The following CARD6 variants were observed in gnomAD, a reference collection of about 807,000 sequenced individuals.
CARD6 encodes the protein caspase recruitment domain-containing protein 6.
A neutral mutation model predicts 23.6 loss-of-function variants in CARD6; 27 were observed. That is an observed-to-expected ratio of 1.14 (90% CI 0.84 to 1.58). CARD6 has a LOEUF of 1.58. Ranked by LOEUF, CARD6 falls within the 40% of genes most tolerant of loss-of-function variation. CARD6 has a pLI of 0.00. For missense variants in CARD6, 1,214 were observed against 1,209.9 expected, an observed-to-expected ratio of 1.00 and a Z score of -0.05; for synonymous variants, 397 against 431.8, an observed-to-expected ratio of 0.92 and a Z score of 1.00.
chr5:40,850,211 G>A (rs1337586659), intron 2 of CARD6, among the ~76,000 whole-genome samples: 2 of 151,678 alleles, frequency 1.3e-5, no homozygotes, highest in African/African-American at 2.4e-5. Flanking sequence ...TCAGGAGATC[G>A]AGACCATCCT....
chr5:40,849,342 A>G (rs891355499), intron 2 of CARD6, among the ~76,000 whole-genome samples: 2 of 152,114 alleles, frequency 1.3e-5, no homozygotes, highest in Admixed American at 1.3e-4. Flanking sequence ...TGCTTTCCTA[A>G]GGCAAAGTAT....
rs1417005801 is a variant in CARD6, at chr5:40,854,525, T to C, written c.*79T>C. ...CATATAGTAAGCAGAAGAGTTGCCATGAAAGTAAAAGACTACTGTCATTAG... is the reference window on the plus strand; with the variant it reads ...CATATAGTAAGCAGAAGAGTTGCCACGAAAGTAAAAGACTACTGTCATTAG... On this transcript the variant is annotated 3_prime_UTR_variant, in exon 3 of 3. Transcript: ENST00000254691. 38 of 1,172,130 alleles carry C rather than the reference T, an allele frequency of 3.2e-5. 1 individual carries two copies. In the South Asian group the frequency reaches 4.7e-4, roughly 15 times the overall value. 72.6% of individuals were successfully genotyped at this position (1,172,130 alleles called of 1,614,324 possible). A position where few individuals can be genotyped will look rare whatever the true frequency, so the allele number is the denominator to read the frequency against.
intron 2 of CARD6, among the ~76,000 whole-genome samples, chr5:40,848,957 C>T (rs1179233964): frequency 1.3e-5 from 2 of 152,022 alleles, no homozygotes; most frequent in East Asian, 1.9e-4. Context: ...TCCATAGTGA[C>T]ACTGTTATTA....
At chr5:40,842,382 A>G (rs1745876817) in intron 1 of CARD6, among the ~76,000 whole-genome samples, 1 of 152,246 alleles carries the variant, frequency 6.6e-6, no homozygotes, top group Admixed American at 6.5e-5. Flanking sequence ...AGTGATACCT[A>G]ATTTAGGACA....
rs1404296936 is a variant in CARD6 at position 40,841,651 on chromosome 5, G to A, written c.269G>A (p.Cys90Tyr). The A allele has an allele frequency of 1.1e-5, 17 of 1,613,130 alleles. No homozygotes were observed. Among genetic ancestry groups the A allele is most frequent in the African/African-American group, 1.3e-5 (1 of 74,822 alleles). ...FSTFPQSAAI[C>Y]GLRHEVLKHE... ...ACTTTTCCACAGTCAGCTGCCATTT[G>A]CGGCTTAAGGCATGGTAAGTTGACT... The change falls in exon 1 of 3, where the codon TGC becomes TAC. Residue 90 changes from cysteine to tyrosine, a missense_variant. Transcript: ENST00000254691.
Position 40,843,272 on chromosome 5 carries a change from G to A in CARD6, c.404G>A (p.Ser135Asn), listed in dbSNP as rs755142175. ...GCCCCTGAGATCACAGTGTTCTTCA[G>A]TGAGAAGGAACACTTGGATTTGGAA... ...PEAPEITVFF[S>N]EKEHLDLETS... The change falls in exon 2 of 3, where the codon AGT becomes AAT. Residue 135 changes from serine (S) to asparagine (N), a missense_variant. Physicochemically the swap from Ser to Asn is conservative, Grantham distance 46. Transcript: ENST00000254691. 14 of 1,614,034 alleles carry A rather than the reference G, an allele frequency of 8.7e-6. No individual in the cohort carries two copies. The highest frequency in any genetic ancestry group is 1.2e-5 in the Non-Finnish European group (14 of 1,179,932).
At position 40,848,911 on chromosome 5, in the gene CARD6, T is replaced by A. The variant is rs111436427; in HGVS notation, c.842-3263T>A. On this transcript the variant is annotated intron_variant, in intron 2 of 2. Transcript: ENST00000254691. Reference sequence around the variant, plus strand: ...CTGTGCTTAATTAGATACATCTCTGTTTTGTGTGTACATCTACTCTGTTGC... The same window carrying A: ...CTGTGCTTAATTAGATACATCTCTGATTTGTGTGTACATCTACTCTGTTGC... Among the ~76,000 whole-genome samples the A allele has an allele frequency of 6.5e-3, 984 of 152,300 alleles. 7 individuals carry two copies. Among genetic ancestry groups the A allele is most frequent in the African/African-American group, 0.022 (923 of 41,564 alleles).
chr5:40,843,502 G>C lies in CARD6; in HGVS notation c.634G>C (p.Glu212Gln), dbSNP rs1288594145. Residue 212 changes from glutamate to glutamine, a missense_variant, in exon 2 of 3, where the codon GAG becomes CAG. Transcript: ENST00000254691. ...ELDDSLYLGK[E>Q]EYLGSVDTPE... ...AGATGATTCTTTATACTTAGGAAAA[G>C]AGGAATATCTAGGATCTGTTGACAC... 9.3e-6 allele frequency: 15 copies of C among 1,607,972 alleles called. No individual in the cohort carries two copies. In the Admixed American group the frequency reaches 2.6e-4, roughly 27 times the overall value.
In CARD6 at chr5:40,853,819, C is replaced by T. The variant is rs1363694819; in HGVS notation, c.2487C>T (p.Cys829=). Residue 829 remains cysteine, a synonymous_variant, in exon 3 of 3, where the codon TGC becomes TGT. Transcript: ENST00000254691. ...PRPICQHVQA[C]PERPQMMGTL... Reference sequence around the variant, plus strand: ...CCATTTGTCAGCATGTACAGGCCTGCCCTGAGAGACCACAAATGATGGGAA... The same window carrying T: ...CCATTTGTCAGCATGTACAGGCCTGTCCTGAGAGACCACAAATGATGGGAA... 2 of 1,614,184 alleles carry T rather than the reference C, an allele frequency of 1.2e-6. No homozygotes were observed. Among genetic ancestry groups the T allele is most frequent in the Non-Finnish European group, 8.5e-7 (1 of 1,180,032 alleles).
Position 40,853,127 on chromosome 5 carries a change from A to C in CARD6, c.1795A>C (p.Ile599Leu), listed in dbSNP as rs771278080. ...ESEEAQIFQR[I>L]LNLKPAQLLF... is the part of the protein sequence containing the mutation. Reference sequence around the variant, plus strand: ...TGAAGAGGCTCAAATTTTTCAGAGGATACTGAACTTGAAGCCAGCACAGCT... The same window carrying C: ...TGAAGAGGCTCAAATTTTTCAGAGGCTACTGAACTTGAAGCCAGCACAGCT... The change falls in exon 3 of 3, where the codon ATA becomes CTA. Residue 599 changes from isoleucine to leucine, a missense_variant. Physicochemically the swap from Ile to Leu is conservative, Grantham distance 5. Transcript: ENST00000254691. 5 of 1,613,978 alleles carry C rather than the reference A, an allele frequency of 3.1e-6. No homozygotes were observed. Among genetic ancestry groups the C allele is most frequent in the East Asian group, 2.2e-5 (1 of 44,888 alleles).
rs1193245905 is a variant in CARD6, at chr5:40,843,495, A to C, written c.627A>C (p.Leu209Phe). 6.2e-7 allele frequency: 1 copy of C among 1,608,336 alleles called. No homozygotes were observed. Among genetic ancestry groups the C allele is most frequent in the African/African-American group, 1.3e-5 (1 of 74,458 alleles). The change falls in exon 2 of 3, where the codon TTA (leucine) becomes TTC (phenylalanine). Residue 209 changes from leucine to phenylalanine, a missense_variant. By Grantham distance (22) the Leu-to-Phe change is conservative (BLOSUM62 0). Coordinates refer to ENST00000254691, the MANE Select transcript of CARD6 (RefSeq NM_032587.4). ...RYEELDDSLY[L>F]GKEEYLGSVD... The stretch of plus-strand genomic sequence containing the variant: ...AGGAGCTAGATGATTCTTTATACTT[A>C]GGAAAAGAGGAATATCTAGGATCTG...
intron 2 of CARD6, among the ~76,000 whole-genome samples, chr5:40,851,643 C>A (rs1746068733): frequency 6.6e-6 from 1 of 151,932 alleles, no homozygotes; most frequent in Non-Finnish European, 1.5e-5. Flanking sequence ...TGGTGAAATC[C>A]CATCTCTACT....
At position 40,853,777 on chromosome 5, in the gene CARD6, T is replaced by C; in HGVS notation, c.2445T>C (p.Phe815=). The change falls in exon 3 of 3, where the codon TTT becomes TTC. Residue 815 remains phenylalanine, a synonymous_variant. Coordinates refer to ENST00000254691, the MANE Select transcript of CARD6 (RefSeq NM_032587.4). ...GGGGATGTCACTCGAATGGAACATT[T>C]GGGAGACTGCCAAGACCCATTTGTC... The part of the protein sequence containing the change: ...VARGCHSNGT[F]GRLPRPICQH... 1 of 1,614,194 alleles carries C rather than the reference T, an allele frequency of 6.2e-7. No individual in the cohort carries two copies.
In CARD6 at chr5:40,854,599, T is replaced by A; in HGVS notation, c.*153T>A. ...CATGACTGAATTGGATATCTTTGTT[T>A]GTTTGTTTGAGACAGAGTTTCACTC... On this transcript the variant is annotated 3_prime_UTR_variant, in exon 3 of 3. Transcript: ENST00000254691. 1 of 688,140 alleles carries A rather than the reference T, an allele frequency of 1.5e-6. No individual in the cohort carries two copies. 42.6% of individuals were successfully genotyped at this position (688,140 alleles called of 1,614,324 possible).
chr5:40,852,896 T>A lies in CARD6; in HGVS notation c.1564T>A (p.Phe522Ile). The change falls in exon 3 of 3, where the codon TTT becomes ATT. Residue 522 changes from phenylalanine to isoleucine, a missense_variant. Coordinates refer to ENST00000254691, the MANE Select transcript of CARD6 (RefSeq NM_032587.4). ...PDSDDRKENPFFQKPVALANL... is the reference protein window; with the variant it reads ...PDSDDRKENPIFQKPVALANL... ...TAGCGATGATAGAAAGGAAAACCCC[T>A]TTTTCCAAAAGCCTGTTGCTCTGGC... is the stretch of plus-strand genomic sequence containing the variant. The A allele has an allele frequency of 1.2e-6, 2 of 1,613,954 alleles. No homozygotes were observed. Among genetic ancestry groups the A allele is most frequent in the Non-Finnish European group, 1.7e-6 (2 of 1,179,962 alleles).
intron 1 of CARD6, among the ~76,000 whole-genome samples, chr5:40,842,729 T>A (rs1404474515): frequency 6.6e-6 from 1 of 152,156 alleles, no homozygotes; most frequent in Non-Finnish European, 1.5e-5. Context: ...GTGTTAGGTA[T>A]TCCTGTCCTC....
At position 40,852,471 on chromosome 5, in the gene CARD6, G is replaced by A; in HGVS notation, c.1139G>A (p.Cys380Tyr). ...IQTINPLDVL[C>Y]ATMLCSDSSL... The stretch of plus-strand genomic sequence containing the variant: ...ACCATTAATCCCCTTGACGTGCTTT[G>A]TGCCACCATGCTGTGTTCAGATAGC... Residue 380 changes from cysteine to tyrosine, a missense_variant, in exon 3 of 3, where the codon TGT becomes TAT. Coordinates refer to ENST00000254691, the MANE Select transcript of CARD6 (RefSeq NM_032587.4). 2 of 1,614,136 alleles carry A rather than the reference G, an allele frequency of 1.2e-6. No individual in the cohort carries two copies. The highest frequency in any genetic ancestry group is 1.7e-6 in the Non-Finnish European group (2 of 1,180,032).
chr5:40,850,413 C>CCAAAAAA (rs1561215132), intron 2 of CARD6, among the ~76,000 whole-genome samples: 1 of 36,590 alleles, frequency 2.7e-5, no homozygotes, highest in Non-Finnish European at 4.3e-5. Flanking sequence ...CACTCCATCT[C>CCAAAAAA]AAAAAAAAAA....
rs1392195035 is a variant in CARD6 at position 40,853,992 on chromosome 5, G to C, written c.2660G>C (p.Arg887Thr). 2 of 1,614,102 alleles carry C rather than the reference G, an allele frequency of 1.2e-6. No individual in the cohort carries two copies. The highest frequency in any genetic ancestry group is 2.2e-5 in the East Asian group (1 of 44,868). ...ELTEATGKLI[R>T]TSHIGKPHPQ... Reference sequence around the variant, plus strand: ...ACTGAAGCAACTGGAAAACTGATAAGAACATCCCATATTGGAAAGCCTCAC... The same window carrying C: ...ACTGAAGCAACTGGAAAACTGATAACAACATCCCATATTGGAAAGCCTCAC... Residue 887 changes from arginine to threonine, a missense_variant, in exon 3 of 3, where the codon AGA becomes ACA. Transcript: ENST00000254691.
Sources: gnomAD v4.1 joint callset for allele counts (sites outside exome capture counted in the v4.1 genomes callset) on GRCh38, gnomAD v4.1.1 for gene constraint, MANE v1.5 for transcripts, NCBI Gene and HGNC (gene_info 2026-07-23, HGNC 2026-07-21) for gene names.